XPO4: variants seen among roughly 807,000 people sequenced by gnomAD.
The protein encoded by XPO4 is exportin 4, also known as exportin-4.
XPO4 carries 39 observed loss-of-function variants against 143.0 expected under a neutral mutation model. That is an observed-to-expected ratio of 0.27 (90% CI 0.21 to 0.36). XPO4 has a LOEUF of 0.36. Among genes scored for constraint, XPO4 ranks in the 10% least tolerant of loss-of-function variants. The pLI is 1.00. For missense variants in XPO4, 907 were observed against 1,348.0 expected, an observed-to-expected ratio of 0.67 and a Z score of 5.12; for synonymous variants, 439 against 474.0, an observed-to-expected ratio of 0.93 and a Z score of 0.96.
At position 20,858,036 on chromosome 13, in the gene XPO4, C is replaced by T. The variant is rs1002848024; in HGVS notation, c.318-2271G>A. 4 of 947,974 alleles carry T rather than the reference C, an allele frequency of 4.2e-6. No homozygotes were observed. In the East Asian group the frequency reaches 3.5e-4, roughly 82 times the overall value. 58.7% of individuals were successfully genotyped at this position (947,974 alleles called of 1,614,324 possible). On this transcript the variant is annotated intron_variant, in intron 3 of 22. Transcript: ENST00000255305. ...CAAAAACGTTTAACTTGAATCTAATCCACACTGTAGGGCATTCTACAAGAT... is the reference window on the plus strand; with the variant it reads ...CAAAAACGTTTAACTTGAATCTAATTCACACTGTAGGGCATTCTACAAGAT...
rs565653071 is a variant in XPO4 at position 20,796,850 on chromosome 13, C to A, written c.2530G>T (p.Val844Phe). 63 of 1,614,064 alleles carry A rather than the reference C, an allele frequency of 3.9e-5. No homozygotes were observed. In the Middle Eastern group the frequency reaches 8.3e-4, roughly 21 times the overall value. Residue 844 changes from valine to phenylalanine, a missense_variant, in exon 17 of 23, where the codon GTT becomes TTT. Val to Phe is a conservative substitution (Grantham distance 50, BLOSUM62 -1). Transcript: ENST00000255305. The stretch of plus-strand genomic sequence containing the variant: ...ACAGTCTCTGGGGTATTCTTGTAAA[C>A]TTCCATCAATCCAATGCAATTGGTA... ...FLTNCIGLME[V>F]YKNTPETVNL...
intron 22 of XPO4, among the ~76,000 whole-genome samples, chr13:20,784,884 G>C (rs1438420406): frequency 6.6e-6 from 1 of 152,188 alleles, no homozygotes; most frequent in Non-Finnish European, 1.5e-5. Context: ...TGAGGCTGCA[G>C]TGAGCCATGG....
intron 2 of XPO4, chr13:20,863,190 G>A: frequency 2.2e-6 from 2 of 890,064 alleles, no homozygotes; most frequent in Non-Finnish European, 2.7e-6. Context: ...AATTTCCTAA[G>A]ATTCTCACCC....
chr13:20,789,629 C>T (rs1454328201), intron 19 of XPO4, among the ~76,000 whole-genome samples: 6 of 151,420 alleles, frequency 4.0e-5, no homozygotes, highest in East Asian at 2.0e-4. Context: ...AGGATGGTCT[C>T]GATCTCCTGA....
chr13:20,800,309 C>A lies in XPO4; in HGVS notation c.1994G>T (p.Ser665Ile). 6.2e-7 allele frequency: 1 copy of A among 1,613,406 alleles called. No homozygotes were observed. Among genetic ancestry groups the A allele is most frequent in the Non-Finnish European group, 8.5e-7 (1 of 1,179,756 alleles). Residue 665 changes from serine to isoleucine, a missense_variant, in exon 15 of 23, where the codon AGT (serine) becomes ATT (isoleucine). Coordinates refer to ENST00000255305, the MANE Select transcript of XPO4 (RefSeq NM_022459.5). ...CTCTGTATCTGCTCCGAACGCTGTA[C>A]TGAATGGCAGACTTATCTTAAGAGA... Reference protein sequence around the residue: ...KLYDQISLPFSTAFGADTEGS... With the variant: ...KLYDQISLPFITAFGADTEGS...
chr13:20,821,066 T>C lies in XPO4; in HGVS notation c.1173+638A>G, dbSNP rs938974629. On this transcript the variant is annotated intron_variant, in intron 9 of 22. Transcript: ENST00000255305. ...CAGCTGTGTCCTCAAGGGGTTTTAGTAGACGTCTAAATTTAAATATAAAAT... is the reference window on the plus strand; with the variant it reads ...CAGCTGTGTCCTCAAGGGGTTTTAGCAGACGTCTAAATTTAAATATAAAAT... Among the ~76,000 whole-genome samples, 4 of 152,324 alleles carry C rather than the reference T, an allele frequency of 2.6e-5. No homozygotes were observed. In the East Asian group the frequency reaches 5.8e-4, roughly 22 times the overall value.
At chr13:20,899,114 CG>C (rs965544659) in intron 1 of XPO4, among the ~76,000 whole-genome samples, 124 of 152,024 alleles carry the variant, frequency 8.2e-4, no homozygotes, top group Non-Finnish European at 2.8e-4. Context: ...GGGAGGGGAT[CG>C]GGGGGACTTA....
At chr13:20,858,679 G>A (rs1448981682) in intron 3 of XPO4, among the ~76,000 whole-genome samples, 6 of 151,982 alleles carry the variant, frequency 3.9e-5, no homozygotes, top group Admixed American at 3.9e-4. Flanking sequence ...AGACCAGCCT[G>A]GCCAAAATGG....
intron 6 of XPO4, among the ~76,000 whole-genome samples, chr13:20,841,855 A>T (rs918869236): frequency 7.9e-5 from 12 of 151,508 alleles, no homozygotes; most frequent in African/African-American, 2.9e-4. Flanking sequence ...CTGATTTCAC[A>T]TCTATTTCCT....
intron 4 of XPO4, chr13:20,851,731 G>GAAAT: frequency 1.4e-6 from 1 of 738,228 alleles, no homozygotes; most frequent in Non-Finnish European, 1.6e-6. Flanking sequence ...AAAAAAAAAA[G>GAAAT]AAAGAAAGAA....
At chr13:20,852,348 T>C in intron 4 of XPO4, 5 of 985,422 alleles carry the variant, frequency 5.1e-6, no homozygotes, top group Non-Finnish European at 6.0e-6. Flanking sequence ...AAGGATAATA[T>C]TTCCAAGTAG....
intron 3 of XPO4, 62 bp downstream of exon 3, chr13:20,862,655 C>T: frequency 1.9e-6 from 3 of 1,593,306 alleles, no homozygotes; most frequent in South Asian, 2.2e-5. Context: ...ACAAAAAAAG[C>T]TCTAAAAAGA....
intron 9 of XPO4, among the ~76,000 whole-genome samples, chr13:20,820,964 T>C (rs531785977): frequency 3.9e-5 from 6 of 152,220 alleles, no homozygotes; most frequent in African/African-American, 7.2e-5. Flanking sequence ...GTTTCAACAA[T>C]TTAATCACTA....
Position 20,822,287 on chromosome 13 carries a change from T to G in XPO4, c.843A>C (p.Val281=). The G allele has an allele frequency of 6.2e-7, 1 of 1,611,452 alleles. No homozygotes were observed. The highest frequency in any genetic ancestry group is 2.2e-5 in the East Asian group (1 of 44,842). Residue 281 remains valine (V), a splice_region_variant and synonymous_variant, in exon 8 of 23, where the codon GTA becomes GTC. Transcript: ENST00000255305. Reference sequence around the variant, plus strand: ...CTGAATCTTCTCTGATTTTTCGATGTACCTGTTAGAAAGAATTACTAATCC... The same window carrying G: ...CTGAATCTTCTCTGATTTTTCGATGGACCTGTTAGAAAGAATTACTAATCC... The part of the protein sequence containing the change: ...DSRVMELFFT[V]HRKIREDSDM...
chr13:20,799,394 C>CATACACAT (rs1163045673), intron 15 of XPO4, 55 bp from the exon 16 acceptor site: 3 of 1,430,566 alleles, frequency 2.1e-6, no homozygotes, highest in East Asian at 2.3e-5. Context: ...TACATACACA[C>CATACACAT]ATACACATAT....
At chr13:20,869,914 G>C (rs1270566445) in intron 1 of XPO4, among the ~76,000 whole-genome samples, 2 of 152,078 alleles carry the variant, frequency 1.3e-5, no homozygotes, top group Non-Finnish European at 2.9e-5. Context: ...AGACCAGCCA[G>C]GCAACATGGT....
intron 7 of XPO4, among the ~76,000 whole-genome samples, 185 bp from the exon 8 acceptor site, chr13:20,822,474 A>G (rs992409762): frequency 1.3e-5 from 2 of 152,220 alleles, no homozygotes; most frequent in Admixed American, 6.5e-5. Context: ...TCATTATTTT[A>G]AACATATCAA....
rs745357907 is a variant in XPO4, at chr13:20,808,562, T to C, written c.1513A>G (p.Thr505Ala). 7 of 1,539,004 alleles carry C rather than the reference T, an allele frequency of 4.5e-6. No individual in the cohort carries two copies. ...LLTSLLEERV[T>A]RLHGQLQRHQ... ...CGTTGTAACTGACCATGGAGTCTTGTTACTCTTTCTTCTAATAAACTAAAA... is the reference window on the plus strand; with the variant it reads ...CGTTGTAACTGACCATGGAGTCTTGCTACTCTTTCTTCTAATAAACTAAAA... Residue 505 changes from threonine to alanine, a missense_variant, in exon 12 of 23, where the codon ACA becomes GCA. By Grantham distance (58) the Thr-to-Ala change is moderately conservative. Transcript: ENST00000255305.
chr13:20,859,706 G>T (rs1372330122), intron 3 of XPO4: 1 of 243,980 alleles, frequency 4.1e-6, no homozygotes, highest in Non-Finnish European at 6.6e-6. Context: ...GAACCCAGGA[G>T]GCGGATGTTG....
Sources: gnomAD v4.1 joint callset for allele counts (sites outside exome capture counted in the v4.1 genomes callset) on GRCh38, gnomAD v4.1.1 for gene constraint, MANE v1.5 for transcripts, NCBI Gene and HGNC (gene_info 2026-07-23, HGNC 2026-07-21) for gene names.